Variants in EIF2B3 observed in about 807,000 individuals in gnomAD.
The protein encoded by EIF2B3 is eukaryotic translation initiation factor 2B subunit gamma, also known as translation initiation factor eIF2B subunit gamma.
In EIF2B3, 20 loss-of-function variants were observed where a neutral mutation model predicts 54.1. That is an observed-to-expected ratio of 0.37 (90% CI 0.26 to 0.54). EIF2B3 has a LOEUF of 0.54. Ranked by LOEUF, EIF2B3 falls within the 20% of genes least tolerant of loss-of-function variation. EIF2B3 has a pLI of 0.86. For synonymous variants in EIF2B3, 153 were observed against 188.1 expected, an observed-to-expected ratio of 0.81 and a Z score of 1.52; for missense variants, 448 against 547.8, an observed-to-expected ratio of 0.82 and a Z score of 1.82.
chr1:44,890,472 T>C (rs778085064), intron 6 of EIF2B3, among the ~76,000 whole-genome samples: 1 of 152,206 alleles, frequency 6.6e-6, no homozygotes, highest in Non-Finnish European at 1.5e-5. Flanking sequence ...AAAACTGTAA[T>C]GCCTTTTAGT....
intron 5 of EIF2B3, among the ~76,000 whole-genome samples, chr1:44,917,288 G>A (rs1643641983): frequency 6.6e-6 from 1 of 152,134 alleles, no homozygotes; most frequent in Non-Finnish European, 1.5e-5. Context: ...GAGGTCAGGA[G>A]TTTGAGACCA....
intron 11 of EIF2B3, among the ~76,000 whole-genome samples, chr1:44,853,530 C>T (rs1028142908): frequency 2.0e-5 from 3 of 151,994 alleles, no homozygotes; most frequent in South Asian, 4.2e-4. Context: ...CGCTTGAGCC[C>T]GGGAGGTCAA....
intron 5 of EIF2B3, among the ~76,000 whole-genome samples, chr1:44,898,369 C>T (rs894666429): frequency 3.9e-5 from 6 of 152,120 alleles, no homozygotes; most frequent in Non-Finnish European, 7.3e-5. Context: ...TCTCTCTCTC[C>T]CACTAGACTG....
intron 4 of EIF2B3, chr1:44,940,884 A>C (rs1246907120): frequency 1.3e-5 from 2 of 150,856 alleles, no homozygotes; most frequent in Non-Finnish European, 3.0e-5. Context: ...TAGTAACTTT[A>C]ATTCCTTTTC....
Position 44,970,372 on chromosome 1 carries a change from C to T in EIF2B3, c.294+7943G>A, listed in dbSNP as rs411976. 6.8e-3 allele frequency among the ~76,000 whole-genome samples: 1,028 copies of T among 152,168 alleles called. 13 individuals carry two copies. Among genetic ancestry groups the T allele is most frequent in the African/African-American group, 0.023 (975 of 41,516 alleles). ...TTTGTCTGAGAACAGAAGTCAAACA[C>T]GAAGACCTCACAATAATAGCTGGGA... is the stretch of plus-strand genomic sequence containing the variant. On this transcript the variant is annotated intron_variant, in intron 3 of 11. Transcript: ENST00000360403.
At chr1:44,951,120 CCTT>C (rs1164638392) in intron 3 of EIF2B3, among the ~76,000 whole-genome samples, 1 of 152,052 alleles carries the variant, frequency 6.6e-6, no homozygotes, top group Non-Finnish European at 1.5e-5. Context: ...TTTTTTTTCT[CCTT>C]CTCGCCTTAG....
chr1:44,985,101 C>G (rs544144), intron 1 of EIF2B3, among the ~76,000 whole-genome samples: 2 of 151,786 alleles, frequency 1.3e-5, no homozygotes, highest in African/African-American at 2.4e-5. Flanking sequence ...CCACCGCGCC[C>G]GGCCAATAAT....
intron 5 of EIF2B3, among the ~76,000 whole-genome samples, chr1:44,917,894 A>G (rs1186703488): frequency 7.0e-6 from 1 of 143,748 alleles, no homozygotes; most frequent in African/African-American, 2.6e-5. Flanking sequence ...CTGCCTCAGC[A>G]TCCTGAGTAG....
chr1:44,918,026 G>GC lies in EIF2B3; in HGVS notation c.566+8601dup, dbSNP rs1236173630. Among the ~76,000 whole-genome samples, 3 of 148,322 alleles carry GC rather than the reference G, an allele frequency of 2.0e-5. No individual in the cohort carries two copies. In the East Asian group the frequency reaches 6.0e-4, roughly 30 times the overall value. The stretch of plus-strand genomic sequence containing the variant: ...CTGACCTCATGATCCACCCGCCTCG[G>GC]CCTCCCAAAGTGCTGGGATTACAGG... On this transcript the variant is annotated intron_variant, in intron 5 of 11. Coordinates refer to ENST00000360403, the MANE Select transcript of EIF2B3 (RefSeq NM_020365.5).
At chr1:44,939,125 A>G (rs1473451678) in intron 4 of EIF2B3, among the ~76,000 whole-genome samples, 1 of 147,552 alleles carries the variant, frequency 6.8e-6, no homozygotes, top group Non-Finnish European at 1.5e-5. Flanking sequence ...AAAAAAAAAA[A>G]AGAAACAAAA....
At chr1:44,921,241 G>A (rs901661527) in intron 5 of EIF2B3, among the ~76,000 whole-genome samples, 4 of 152,070 alleles carry the variant, frequency 2.6e-5, no homozygotes, top group Non-Finnish European at 5.9e-5. Context: ...GTCAGATTAG[G>A]TTTTCTCCTA....
chr1:44,889,625 T>C (rs1054892185), intron 6 of EIF2B3, among the ~76,000 whole-genome samples: 2 of 152,108 alleles, frequency 1.3e-5, no homozygotes, highest in Admixed American at 6.5e-5. Context: ...AAAGGAGTCT[T>C]GCTTTGTTCC....
chr1:44,874,647 TTG>T, intron 10 of EIF2B3, 29 bp downstream of exon 10: 4 of 1,608,740 alleles, frequency 2.5e-6, no homozygotes, highest in Non-Finnish European at 3.4e-6. Flanking sequence ...TCCATTATCT[TTG>T]CCTCAAGTGG....
chr1:44,860,475 G>A (rs2148894591), intron 10 of EIF2B3, among the ~76,000 whole-genome samples: 1 of 152,266 alleles, frequency 6.6e-6, no homozygotes, highest in South Asian at 2.1e-4. Flanking sequence ...ATGATTCTGG[G>A]AGTACTATTT....
chr1:44,891,667 T>C (rs1655801279), intron 6 of EIF2B3, among the ~76,000 whole-genome samples: 1 of 152,212 alleles, frequency 6.6e-6, no homozygotes, highest in Non-Finnish European at 1.5e-5. Flanking sequence ...TCATAAGGTA[T>C]GTTCACTTTG....
rs1416148748 is a variant in EIF2B3, at chr1:44,942,403, A to ATG, written c.295-739_295-738insCA. Reference sequence around the variant, plus strand: ...TATATATATATATATATATATATATATATATATATATATATTTTTTTTTTT... The same window carrying ATG: ...TATATATATATATATATATATATATATGTATATATATATATATTTTTTTTTTT... On this transcript the variant is annotated intron_variant, in intron 3 of 11. Coordinates refer to ENST00000360403, the MANE Select transcript of EIF2B3 (RefSeq NM_020365.5). Among the ~76,000 whole-genome samples, 23 of 15,968 alleles carry ATG rather than the reference A, an allele frequency of 1.4e-3. 2 individuals carry two copies. Among genetic ancestry groups the ATG allele is most frequent in the African/African-American group, 9.1e-3 (23 of 2,530 alleles). The allele number at this position is 15,968 out of a possible 152,430, so 10.5% of individuals were successfully genotyped here.
At chr1:44,979,370 T>C (rs959056473) in intron 2 of EIF2B3, among the ~76,000 whole-genome samples, 3 of 142,760 alleles carry the variant, frequency 2.1e-5, no homozygotes, top group African/African-American at 7.9e-5. Context: ...AAAATACAAA[T>C]GGGAAGAAAT....
intron 5 of EIF2B3, among the ~76,000 whole-genome samples, chr1:44,914,353 G>C (rs1256707980): frequency 1.3e-5 from 2 of 151,926 alleles, no homozygotes; most frequent in African/African-American, 2.4e-5. Context: ...GTAGAAATGG[G>C]TTTCACTGTG....
Position 44,897,234 on chromosome 1 carries a change from AC to A in EIF2B3, c.656+120del, listed in dbSNP as rs1656000949. 4 of 720,536 alleles carry A rather than the reference AC, an allele frequency of 5.6e-6. No individual in the cohort carries two copies. In the South Asian group the frequency reaches 6.4e-5, roughly 11 times the overall value. 44.6% of individuals were successfully genotyped at this position (720,536 alleles called of 1,614,324 possible). A position where few individuals can be genotyped will look rare whatever the true frequency, so the allele number is the denominator to read the frequency against. On this transcript the variant is annotated intron_variant, in intron 6 of 11. Coordinates refer to ENST00000360403, the MANE Select transcript of EIF2B3 (RefSeq NM_020365.5). ...ATTTCTAAAACAAAAATGAGAACTA[AC>A]TGTGCTATTGTGCTAATTTTAGAAA...
Sources: gnomAD v4.1 joint callset for allele counts (sites outside exome capture counted in the v4.1 genomes callset) on GRCh38, gnomAD v4.1.1 for gene constraint, MANE v1.5 for transcripts, NCBI Gene and HGNC (gene_info 2026-07-23, HGNC 2026-07-21) for gene names.